Variants in IRAK4 observed in about 807,000 individuals in gnomAD.
IRAK4 encodes interleukin-1 receptor-associated kinase 4.
A neutral mutation model predicts 51.8 loss-of-function variants in IRAK4; 44 were observed. The observed-to-expected ratio is 0.85, with a 90% CI of 0.67 to 1.09. IRAK4 has a LOEUF of 1.09. IRAK4 is among the 50% of genes least tolerant of loss of function. The pLI is 0.00. For synonymous variants in IRAK4, 149 were observed against 174.1 expected, an observed-to-expected ratio of 0.86 and a Z score of 1.13; for missense variants, 487 against 538.0, an observed-to-expected ratio of 0.91 and a Z score of 0.94.
At chr12:43,779,908 C>T (rs1941627384) in intron 8 of IRAK4, among the ~76,000 whole-genome samples, 1 of 152,118 alleles carries the variant, frequency 6.6e-6, no homozygotes, top group African/African-American at 2.4e-5. Flanking sequence ...ATTGAAGTGA[C>T]TGTATTCACT....
chr12:43,775,989 C>A (rs1941233078), intron 6 of IRAK4, among the ~76,000 whole-genome samples: 1 of 148,238 alleles, frequency 6.7e-6, no homozygotes, highest in African/African-American at 2.5e-5. Flanking sequence ...TCACGCCATT[C>A]TCCCGCCTCA....
Position 43,766,173 on chromosome 12 carries a change from A to G in IRAK4, c.-9-1930A>G, listed in dbSNP as rs74085329. ...AACTCTTTGTCTTAGCACATGAGGTACATGATGATCTGGCCCTGCTACCTT... is the reference window on the plus strand; with the variant it reads ...AACTCTTTGTCTTAGCACATGAGGTGCATGATGATCTGGCCCTGCTACCTT... On this transcript the variant is annotated intron_variant, in intron 1 of 11. Transcript: ENST00000613694. Among the ~76,000 whole-genome samples, 642 of 152,320 alleles carry G rather than the reference A, an allele frequency of 4.2e-3. 5 individuals carry two copies. The highest frequency in any genetic ancestry group is 0.015 in the African/African-American group (624 of 41,572).
Position 43,772,911 on chromosome 12 carries a change from G to C in IRAK4, c.491-1G>C. ...AGCATGTTTTTCTTATTTTGACATAGGTTTTCACAGTTTTTCATTTTATGA... is the reference window on the plus strand; with the variant it reads ...AGCATGTTTTTCTTATTTTGACATACGTTTTCACAGTTTTTCATTTTATGA... On this transcript the variant is annotated splice_acceptor_variant, in intron 4 of 11. Transcript: ENST00000613694. LOFTEE classifies it high-confidence loss of function. 1.2e-6 allele frequency: 2 copies of C among 1,600,688 alleles called. No homozygotes were observed. Among genetic ancestry groups the C allele is most frequent in the Non-Finnish European group, 1.7e-6 (2 of 1,171,738 alleles).
intron 2 of IRAK4, among the ~76,000 whole-genome samples, chr12:43,770,717 A>T (rs949587968): frequency 3.3e-5 from 5 of 151,926 alleles, no homozygotes; most frequent in Non-Finnish European, 5.9e-5. Context: ...GGCAGGGGAG[A>T]TCAACACCTA....
chr12:43,768,255 C>G lies in IRAK4; in HGVS notation c.144C>G (p.Tyr48Ter). Residue 48 changes from tyrosine to a stop codon, truncating the protein, a stop_gained, in exon 2 of 12, where the codon TAC (tyrosine) becomes TAG (stop). Coordinates refer to ENST00000613694, the MANE Select transcript of IRAK4 (RefSeq NM_016123.4). LOFTEE classifies it high-confidence loss of function. ...AAAAACCATCTGGTGATGATAGATA[C>G]AATCAGTTTCACATAAGGTAACAGA... ...AIKKPSGDDRYNQFHIRRFEA... is the reference protein window; with the variant it reads ...AIKKPSGDDR 6.2e-7 allele frequency: 1 copy of G among 1,610,288 alleles called. No homozygotes were observed. The highest frequency in any genetic ancestry group is 8.5e-7 in the Non-Finnish European group (1 of 1,177,120).
At chr12:43,764,717 G>A (rs892729272) in intron 1 of IRAK4, among the ~76,000 whole-genome samples, 2 of 152,196 alleles carry the variant, frequency 1.3e-5, no homozygotes, top group Non-Finnish European at 2.9e-5. Flanking sequence ...TTTGATGAGA[G>A]AAAAGAGCAG....
chr12:43,783,698 G>C lies in IRAK4; in HGVS notation c.1162G>C (p.Asp388His). 6.2e-7 allele frequency: 1 copy of C among 1,608,860 alleles called. No homozygotes were observed. Among genetic ancestry groups the C allele is most frequent in the Non-Finnish European group, 8.5e-7 (1 of 1,175,730 alleles). The part of the protein sequence containing the change: ...LEIITGLPAV[D>H]EHREPQLLLD... ...AATAATAACTGGACTTCCAGCTGTGGATGAACACCGTGAACCTCAGTTATT... is the reference window on the plus strand; with the variant it reads ...AATAATAACTGGACTTCCAGCTGTGCATGAACACCGTGAACCTCAGTTATT... Residue 388 changes from aspartate (D) to histidine (H), a missense_variant, in exon 10 of 12, where the codon GAT becomes CAT. Asp to His is a moderately conservative substitution (Grantham distance 81). Transcript: ENST00000613694.
intron 8 of IRAK4, among the ~76,000 whole-genome samples, chr12:43,780,964 C>T (rs1315027931): frequency 6.6e-6 from 1 of 152,150 alleles, no homozygotes; most frequent in South Asian, 2.1e-4. Flanking sequence ...GCTTCCAATC[C>T]TGGATTTTTA....
chr12:43,778,235 G>C lies in IRAK4; in HGVS notation c.874G>C (p.Ala292Pro), dbSNP rs770396929. The change falls in exon 8 of 12, where the codon GCT (alanine) becomes CCT (proline). Residue 292 changes from alanine (A) to proline (P), a missense_variant. By Grantham distance (27) the Ala-to-Pro change is conservative. Coordinates refer to ENST00000613694, the MANE Select transcript of IRAK4 (RefSeq NM_016123.4). ...TTCTTGGCACATGAGATGCAAGATT[G>C]CTCAGGGTGCAGCTAATGGCATCAA... ...PLSWHMRCKI[A>P]QGAANGINFL... 2 of 1,611,976 alleles carry C rather than the reference G, an allele frequency of 1.2e-6. No individual in the cohort carries two copies.
intron 10 of IRAK4, among the ~76,000 whole-genome samples, chr12:43,785,484 G>A (rs1457514414): frequency 1.3e-5 from 2 of 151,904 alleles, no homozygotes; most frequent in East Asian, 3.9e-4. Flanking sequence ...ACCACCCTGT[G>A]CTGCCCACCT....
intron 3 of IRAK4, among the ~76,000 whole-genome samples, chr12:43,771,956 A>G (rs914093326): frequency 2.0e-5 from 3 of 152,246 alleles, no homozygotes; most frequent in African/African-American, 7.2e-5. Flanking sequence ...CCTCTGATAT[A>G]GGTGGCTCAT....
chr12:43,779,157 G>C (rs1418229329), intron 8 of IRAK4, among the ~76,000 whole-genome samples: 1 of 152,158 alleles, frequency 6.6e-6, no homozygotes, highest in Non-Finnish European at 1.5e-5. Context: ...CCAGACACTA[G>C]GGCAGCTGAG....
chr12:43,773,155 A>C, intron 5 of IRAK4, 83 bp downstream of exon 5: 1 of 1,211,078 alleles, frequency 8.3e-7, no homozygotes, highest in Non-Finnish European at 1.2e-6. Context: ...TCTTTAGGAA[A>C]TACATTATTT....
intron 5 of IRAK4, chr12:43,773,744 C>T: frequency 4.6e-5 from 16 of 344,720 alleles, no homozygotes; most frequent in South Asian, 1.6e-4. Flanking sequence ...ATTTTGTTTC[C>T]ACAACTCAGT....
At chr12:43,770,694 T>C (rs1252677708) in intron 2 of IRAK4, among the ~76,000 whole-genome samples, 1 of 152,116 alleles carries the variant, frequency 6.6e-6, no homozygotes, top group Non-Finnish European at 1.5e-5. Context: ...TAGGAGATGC[T>C]GTGGGCAAAA....
chr12:43,777,774 C>A, intron 7 of IRAK4, 30 bp downstream of exon 7: 1 of 1,535,198 alleles, frequency 6.5e-7, no homozygotes, highest in East Asian at 2.3e-5. Context: ...GATTGTTTGG[C>A]TTTTTGTTTA....
chr12:43,759,583 C>G (rs993891790), intron 1 of IRAK4: 4 of 152,778 alleles, frequency 2.6e-5, no homozygotes, highest in African/African-American at 9.7e-5. Context: ...TAAAAGCAAA[C>G]CCTGTCCAGG....
intron 6 of IRAK4, among the ~76,000 whole-genome samples, chr12:43,775,200 A>C (rs1941155795): frequency 6.6e-6 from 1 of 152,216 alleles, no homozygotes; most frequent in African/African-American, 2.4e-5. Context: ...CTGAAAAAAG[A>C]TCAAACTTTT....
chr12:43,787,024 A>G lies in IRAK4; in HGVS notation c.*309A>G. On this transcript the variant is annotated 3_prime_UTR_variant, in exon 12 of 12. Coordinates refer to ENST00000613694, the MANE Select transcript of IRAK4 (RefSeq NM_016123.4). ...AGAGCCTGGGCTGTATGTAGGGTGGAAACACTCTGATCTGAAGCCCAGCTG... is the reference window on the plus strand; with the variant it reads ...AGAGCCTGGGCTGTATGTAGGGTGGGAACACTCTGATCTGAAGCCCAGCTG... 4 of 355,708 alleles carry G rather than the reference A, an allele frequency of 1.1e-5. No homozygotes were observed. Among genetic ancestry groups the G allele is most frequent in the Non-Finnish European group, 2.0e-5 (4 of 195,710 alleles). The allele number at this position is 355,708 out of a possible 1,614,324, so 22.0% of individuals were successfully genotyped here. A position where few individuals can be genotyped will look rare whatever the true frequency, so the allele number is the denominator to read the frequency against.
Sources: allele counts gnomAD v4.1 joint callset (sites outside exome capture counted in the v4.1 genomes callset), GRCh38; gene constraint gnomAD v4.1.1; transcripts MANE v1.5; gene names NCBI Gene and HGNC (gene_info 2026-07-23, HGNC 2026-07-21).